The following GLIPR1 variants were observed in gnomAD, a reference collection of about 807,000 sequenced individuals.
The protein encoded by GLIPR1 is GLI pathogenesis related 1, also known as glioma pathogenesis-related protein 1.
GLIPR1 carries 38 observed loss-of-function variants against 30.3 expected under a neutral mutation model. That is an observed-to-expected ratio of 1.26 (90% confidence interval 0.97 to 1.65). GLIPR1 has a LOEUF of 1.65. GLIPR1 is among the 40% of genes most tolerant of loss of function. GLIPR1 has a pLI of 0.00. For synonymous variants in GLIPR1, 122 were observed against 110.6 expected, an observed-to-expected ratio of 1.10 and a Z score of -0.65; for missense variants, 285 against 326.5, an observed-to-expected ratio of 0.87 and a Z score of 0.98.
intron 2 of GLIPR1, among the ~76,000 whole-genome samples, chr12:75,485,634 TCCG>T (rs2046290584): frequency 6.7e-6 from 1 of 149,920 alleles, no homozygotes; most frequent in Admixed American, 6.6e-5. Context: ...CACTGCAAGC[TCCG>T]CCTCCCGGGT....
At chr12:75,490,233 A>ACACACACACC (rs1173000975) in intron 2 of GLIPR1, among the ~76,000 whole-genome samples, 173 bp from the exon 3 acceptor site, 6 of 145,396 alleles carry the variant, frequency 4.1e-5, no homozygotes, top group South Asian at 2.2e-4. Flanking sequence ...ACACACACAC[A>ACACACACACC]CCCCAATAAT....
At position 75,501,768 on chromosome 12, in the gene GLIPR1, CTT is replaced by C; in HGVS notation, c.*2792_*2793del. 1 of 1,610,994 alleles carries C rather than the reference CTT, an allele frequency of 6.2e-7. No individual in the cohort carries two copies. The highest frequency in any genetic ancestry group is 8.5e-7 in the Non-Finnish European group (1 of 1,178,394). On this transcript the variant is annotated 3_prime_UTR_variant, in exon 6 of 6. Coordinates refer to ENST00000266659, the MANE Select transcript of GLIPR1 (RefSeq NM_006851.3). ...GGTTTTTCCTTAGGTGGAATAAATG[CTT>C]TGTTTCTTTCCTCTTGTCTCTTACT...
chr12:75,481,090 T>G, intron 1 of GLIPR1, 36 bp downstream of exon 1: 1 of 1,533,098 alleles, frequency 6.5e-7, no homozygotes, highest in Non-Finnish European at 9.0e-7. Context: ...CGTCAGTCAG[T>G]CAGAAACAAC....
chr12:75,486,186 A>T (rs952436280), intron 2 of GLIPR1, among the ~76,000 whole-genome samples: 1 of 152,226 alleles, frequency 6.6e-6, no homozygotes, highest in Non-Finnish European at 1.5e-5. Flanking sequence ...ATAACACTTT[A>T]TAAGGATTAA....
In GLIPR1 at chr12:75,501,756, G is replaced by C; in HGVS notation, c.*2778G>C. On this transcript the variant is annotated 3_prime_UTR_variant, in exon 6 of 6. Transcript: ENST00000266659. ...GGTTTCACAATTGGTTTTTCCTTAG[G>C]TGGAATAAATGCTTTGTTTCTTTCC... 1.9e-6 allele frequency: 3 copies of C among 1,610,626 alleles called. No individual in the cohort carries two copies. Among genetic ancestry groups the C allele is most frequent in the Non-Finnish European group, 2.5e-6 (3 of 1,178,042 alleles).
chr12:75,501,844 G>A lies in GLIPR1; in HGVS notation c.*2866G>A, dbSNP rs1394746408. 6.4e-7 allele frequency: 1 copy of A among 1,564,390 alleles called. No homozygotes were observed. The highest frequency in any genetic ancestry group is 1.4e-5 in the African/African-American group (1 of 73,332). On this transcript the variant is annotated 3_prime_UTR_variant, in exon 6 of 6. Transcript: ENST00000266659. ...ACATTAATAAATAAAAAATATATCA[G>A]TTAAATGTATTTATAGTTAAATAAT... is the stretch of plus-strand genomic sequence containing the variant.
intron 2 of GLIPR1, among the ~76,000 whole-genome samples, chr12:75,489,495 T>C (rs1488810371): frequency 4.6e-5 from 7 of 152,168 alleles, no homozygotes; most frequent in African/African-American, 1.7e-4. Context: ...TCACTTGATA[T>C]CTAATAGGCC....
chr12:75,490,601 CA>C (rs1184673777), intron 3 of GLIPR1, 83 bp downstream of exon 3: 1 of 541,262 alleles, frequency 1.8e-6, no homozygotes, highest in African/African-American at 2.5e-5. Context: ...AACATTTTAG[CA>C]GTATTCCTCT....
rs2046373078 is a variant in GLIPR1 at position 75,499,228 on chromosome 12, T to G, written c.*250T>G. 3.3e-6 allele frequency: 1 copy of G among 306,570 alleles called. No homozygotes were observed. Among genetic ancestry groups the G allele is most frequent in the Non-Finnish European group, 5.9e-6 (1 of 168,390 alleles). The allele number at this position is 306,570 out of a possible 1,614,324, so 19.0% of individuals were successfully genotyped here. ...AAGTAACCTAACCCATGTTTCAGCT[T>G]CTAAATCTGCAAAATGAGCAAGGTA... On this transcript the variant is annotated 3_prime_UTR_variant, in exon 6 of 6. Transcript: ENST00000266659.
chr12:75,501,772 G>A lies in GLIPR1; in HGVS notation c.*2794G>A. 1 of 1,610,798 alleles carries A rather than the reference G, an allele frequency of 6.2e-7. No homozygotes were observed. The highest frequency in any genetic ancestry group is 8.5e-7 in the Non-Finnish European group (1 of 1,178,308). ...TTTCCTTAGGTGGAATAAATGCTTT[G>A]TTTCTTTCCTCTTGTCTCTTACTGA... is the stretch of plus-strand genomic sequence containing the variant. On this transcript the variant is annotated 3_prime_UTR_variant, in exon 6 of 6. Coordinates refer to ENST00000266659, the MANE Select transcript of GLIPR1 (RefSeq NM_006851.3).
At position 75,480,901 on chromosome 12, in the gene GLIPR1, A is replaced by C; in HGVS notation, c.21A>C (p.Thr7=). ...AAAGCATGCGTGTCACACTTGCTACAATAGCCTGGATGGTTTCTTTTGTCT... is the reference window on the plus strand; with the variant it reads ...AAAGCATGCGTGTCACACTTGCTACCATAGCCTGGATGGTTTCTTTTGTCT... MRVTLA[T]IAWMVSFVSN... Residue 7 remains threonine (T), a synonymous_variant, in exon 1 of 6, where the codon ACA becomes ACC. Coordinates refer to ENST00000266659, the MANE Select transcript of GLIPR1 (RefSeq NM_006851.3). 1 of 1,612,750 alleles carries C rather than the reference A, an allele frequency of 6.2e-7. No individual in the cohort carries two copies. Among genetic ancestry groups the C allele is most frequent in the Non-Finnish European group, 8.5e-7 (1 of 1,179,216 alleles).
At chr12:75,485,972 T>TA (rs768921944) in intron 2 of GLIPR1, among the ~76,000 whole-genome samples, 3 of 152,000 alleles carry the variant, frequency 2.0e-5, no homozygotes, top group Non-Finnish European at 4.4e-5. Context: ...TGTGGGCCTA[T>TA]AAGGGAGACA....
At chr12:75,482,180 G>T in intron 2 of GLIPR1, 101 bp downstream of exon 2, 1 of 990,528 alleles carries the variant, frequency 1.0e-6, no homozygotes, top group Non-Finnish European at 1.5e-6. Context: ...TAGTATACCT[G>T]TAAATATAAG....
intron 3 of GLIPR1, chr12:75,490,822 T>C (rs571109520): frequency 5.0e-6 from 1 of 199,986 alleles, no homozygotes; most frequent in African/African-American, 2.3e-5. Flanking sequence ...ATCAGGGACA[T>C]AAATTGTATA....
intron 2 of GLIPR1, chr12:75,487,654 C>T: frequency 2.4e-6 from 1 of 416,544 alleles, no homozygotes; most frequent in Non-Finnish European, 4.8e-6. Flanking sequence ...GTCACGTCCC[C>T]ACTTCTACCA....
At chr12:75,485,763 G>C (rs532422722) in intron 2 of GLIPR1, among the ~76,000 whole-genome samples, 15 of 151,912 alleles carry the variant, frequency 9.9e-5, no homozygotes, top group Non-Finnish European at 2.1e-4. Context: ...TTTTAGCCGG[G>C]ATGGTCTCGA....
rs994624061 is a variant in GLIPR1, at chr12:75,480,868, T to C, written c.-13T>C. The C allele has an allele frequency of 5.0e-6, 8 of 1,602,072 alleles. No individual in the cohort carries two copies. The highest frequency in any genetic ancestry group is 6.0e-6 in the Non-Finnish European group (7 of 1,171,946). The stretch of plus-strand genomic sequence containing the variant: ...TGGACTGCAGCCTCCCAAGGCTCCA[T>C]GCCAGACAAAGCATGCGTGTCACAC... On this transcript the variant is annotated 5_prime_UTR_variant, in exon 1 of 6. An upstream start codon of the reference 5' UTR is lost. Coordinates refer to ENST00000266659, the MANE Select transcript of GLIPR1 (RefSeq NM_006851.3).
chr12:75,502,313 G>A lies in GLIPR1; in HGVS notation c.*3335G>A. 4.4e-6 allele frequency: 1 copy of A among 228,586 alleles called. No individual in the cohort carries two copies. The highest frequency in any genetic ancestry group is 8.6e-6 in the Non-Finnish European group (1 of 116,782). The allele number at this position is 228,586 out of a possible 1,614,324, so 14.2% of individuals were successfully genotyped here. On this transcript the variant is annotated 3_prime_UTR_variant, in exon 6 of 6. Coordinates refer to ENST00000266659, the MANE Select transcript of GLIPR1 (RefSeq NM_006851.3). ...GGGAAAATTTGAAGAAGCTTCAATGGCAGACAAAGTAGGAGGGATAAGATT... is the reference window on the plus strand; with the variant it reads ...GGGAAAATTTGAAGAAGCTTCAATGACAGACAAAGTAGGAGGGATAAGATT...
At chr12:75,490,280 C>G (rs2046314489) in intron 2 of GLIPR1, 126 bp from the exon 3 acceptor site, 1 of 610,098 alleles carries the variant, frequency 1.6e-6, no homozygotes, top group Non-Finnish European at 2.9e-6. Flanking sequence ...TTCTGAGTAT[C>G]TAAACCTTCC....
Sources: allele counts gnomAD v4.1 joint callset (sites outside exome capture counted in the v4.1 genomes callset), GRCh38; gene constraint gnomAD v4.1.1; transcripts MANE v1.5; gene names NCBI Gene and HGNC (gene_info 2026-07-23, HGNC 2026-07-21).